TTC23: variants seen among roughly 807,000 people sequenced by gnomAD.
The protein encoded by TTC23 is tetratricopeptide repeat protein 23.
In TTC23, 58 loss-of-function variants were observed where a neutral mutation model predicts 55.1. The ratio of observed to expected loss-of-function variants is 1.05; its 90% CI spans 0.85 to 1.31. The LOEUF (loss-of-function observed/expected upper bound fraction) is 1.31, where lower values mean the gene tolerates loss of function less well. Among genes scored for constraint, TTC23 ranks in the 50% most tolerant of loss-of-function variants. The probability of loss-of-function intolerance (pLI) is 0.00; values close to 1 mark genes in which losing one functional copy is unlikely to be tolerated. For synonymous variants in TTC23, 203 were observed against 199.9 expected (o/e 1.02, Z -0.13); for missense variants, 516 against 534.4 (o/e 0.97, Z 0.34).
At chr15:99,157,595 G>C (rs1489500613) in intron 11 of TTC23, 3 of 152,062 alleles carry the variant, frequency 2.0e-5, no homozygotes, top group Non-Finnish European at 4.4e-5. Context: ...AGCATTCCTG[G>C]GCAAATTATC....
chr15:99,243,324 C>T (rs2079966858), intron 2 of TTC23, among the ~76,000 whole-genome samples: 1 of 152,106 alleles, frequency 6.6e-6, no homozygotes, highest in South Asian at 2.1e-4. Context: ...GTTAAGATGG[C>T]TTTTATTAAA....
intron 12 of TTC23, 21 bp from the exon 13 acceptor site, chr15:99,139,420 A>G: frequency 6.2e-7 from 1 of 1,614,100 alleles, no homozygotes; most frequent in Non-Finnish European, 8.5e-7. Flanking sequence ...CCAAGCAGCT[A>G]TCATGAGGCT....
At chr15:99,158,937 G>C (rs2070988552) in intron 11 of TTC23, 1 of 152,408 alleles carries the variant, frequency 6.6e-6, no homozygotes, top group South Asian at 2.1e-4. Context: ...ACACAAGGGT[G>C]CCTGGCAGGA....
At chr15:99,140,875 T>G (rs556569678) in intron 12 of TTC23, 2 of 152,174 alleles carry the variant, frequency 1.3e-5, no homozygotes, top group Non-Finnish European at 2.9e-5. Flanking sequence ...TCAGAATACA[T>G]GAAGAATTCC....
chr15:99,178,112 A>G (rs1272143222), intron 9 of TTC23, among the ~76,000 whole-genome samples: 1 of 152,188 alleles, frequency 6.6e-6, no homozygotes, highest in Non-Finnish European at 1.5e-5. Context: ...ATCCTGGGAG[A>G]TCAAGACTGC....
intron 10 of TTC23, among the ~76,000 whole-genome samples, chr15:99,165,513 C>T (rs2071952245): frequency 6.6e-6 from 1 of 152,208 alleles, no homozygotes; most frequent in Non-Finnish European, 1.5e-5. Context: ...AGATTCCAGG[C>T]AGTTGCCAGA....
chr15:99,182,813 A>G (rs1330418462), intron 9 of TTC23, among the ~76,000 whole-genome samples: 2 of 145,976 alleles, frequency 1.4e-5, no homozygotes, highest in East Asian at 4.0e-4. Flanking sequence ...TTTTTTAAAA[A>G]AAGTAGTTAT....
intron 10 of TTC23, among the ~76,000 whole-genome samples, chr15:99,171,715 A>C (rs1055544708): frequency 2.0e-5 from 3 of 151,646 alleles, no homozygotes; most frequent in African/African-American, 4.8e-5. Flanking sequence ...GGTGCGCAAC[A>C]CAACACCCAG....
chr15:99,171,706 G>T (rs757063268), intron 10 of TTC23, among the ~76,000 whole-genome samples: 2 of 151,656 alleles, frequency 1.3e-5, no homozygotes, highest in Admixed American at 6.6e-5. Flanking sequence ...GGGACTACAG[G>T]TGCGCAACAC....
chr15:99,141,709 C>T (rs2068250416), intron 12 of TTC23, among the ~76,000 whole-genome samples: 2 of 152,158 alleles, frequency 1.3e-5, no homozygotes, highest in African/African-American at 4.8e-5. Flanking sequence ...ATGCAAGCAG[C>T]CAAATGCCTT....
chr15:99,203,542 T>C (rs778549144), intron 8 of TTC23, among the ~76,000 whole-genome samples: 1 of 152,094 alleles, frequency 6.6e-6, no homozygotes, highest in African/African-American at 2.4e-5. Context: ...AGTCAACCTA[T>C]TGTATTACCA....
At chr15:99,161,233 G>A (rs1285673486) in intron 11 of TTC23, 1 of 152,560 alleles carries the variant, frequency 6.6e-6, no homozygotes, top group Non-Finnish European at 1.5e-5. Context: ...TGGTATGTTA[G>A]GCTTTGCAGG....
At chr15:99,164,121 G>A (rs2071739071) in intron 10 of TTC23, among the ~76,000 whole-genome samples, 1 of 152,190 alleles carries the variant, frequency 6.6e-6, no homozygotes, top group African/African-American at 2.4e-5. Flanking sequence ...CAAGAAACCA[G>A]CACAGAAACT....
At chr15:99,206,080 G>T (rs1043229096) in intron 8 of TTC23, among the ~76,000 whole-genome samples, 1 of 152,170 alleles carries the variant, frequency 6.6e-6, no homozygotes, top group Admixed American at 6.5e-5. Context: ...CTATTGAAAT[G>T]ATCATATGGT....
chr15:99,164,478 A>G (rs1446046379), intron 10 of TTC23, among the ~76,000 whole-genome samples: 2 of 152,218 alleles, frequency 1.3e-5, no homozygotes, highest in Non-Finnish European at 2.9e-5. Flanking sequence ...AGGGTGACAC[A>G]TGACAAGCAC....
In TTC23 at chr15:99,249,214, T is replaced by G. The variant is rs1009264124; in HGVS notation, c.-474A>C. On this transcript the variant is annotated 5_prime_UTR_variant, in exon 1 of 14. Coordinates refer to ENST00000394132, the MANE Select transcript of TTC23 (RefSeq NM_001288615.3). ...TAATCTGGGCATGATGCTTTCAAAC[T>G]TCACCCTAAAGAGAAAAATGCTCTC... The G allele has an allele frequency of 2.0e-5, 3 of 152,154 alleles. No individual in the cohort carries two copies. Among genetic ancestry groups the G allele is most frequent in the Admixed American group, 2.0e-4 (3 of 15,270 alleles). The allele number at this position is 152,154 out of a possible 1,614,324, so 9.4% of individuals were successfully genotyped here.
intron 8 of TTC23, among the ~76,000 whole-genome samples, chr15:99,209,089 T>C (rs932478355): frequency 6.6e-6 from 1 of 152,232 alleles, no homozygotes; most frequent in Admixed American, 6.5e-5. Context: ...TTATACGCAG[T>C]AATTCTACAG....
chr15:99,178,008 T>C (rs1212553545), intron 9 of TTC23, among the ~76,000 whole-genome samples: 1 of 152,036 alleles, frequency 6.6e-6, no homozygotes, highest in Non-Finnish European at 1.5e-5. Context: ...AGTGAGACCC[T>C]GTCTGTACTA....
intron 5 of TTC23, among the ~76,000 whole-genome samples, chr15:99,227,065 G>A (rs1197031504): frequency 6.6e-6 from 1 of 152,234 alleles, no homozygotes; most frequent in Non-Finnish European, 1.5e-5. Flanking sequence ...TTCTTTTGCA[G>A]AAGTCTGTTT....
Sources: allele counts gnomAD v4.1 joint callset (sites outside exome capture counted in the v4.1 genomes callset), GRCh38; gene constraint gnomAD v4.1.1; transcripts MANE v1.5; gene names NCBI Gene and HGNC (gene_info 2026-07-23, HGNC 2026-07-21).